Variants in HIVEP1 observed in about 807,000 individuals in gnomAD.
HIVEP1 encodes the protein HIVEP zinc finger 1.
A neutral mutation model predicts 180.0 loss-of-function variants in HIVEP1; 36 were observed. The ratio of observed to expected loss-of-function variants is 0.20; its 90% CI spans 0.15 to 0.26. The LOEUF (loss-of-function observed/expected upper bound fraction) is 0.26. HIVEP1 is among the 10% of genes least tolerant of loss of function. HIVEP1 has a pLI of 1.00. For synonymous variants in HIVEP1, 1,239 were observed against 1,239.0 expected, an observed-to-expected ratio of 1.00 and a Z score of 0.00; for missense variants, 3,143 against 3,268.7, an observed-to-expected ratio of 0.96 and a Z score of 0.94.
At chr6:12,020,988 T>C (rs902608399) in intron 2 of HIVEP1, among the ~76,000 whole-genome samples, 2 of 148,120 alleles carry the variant, frequency 1.4e-5, no homozygotes, top group African/African-American at 4.9e-5. Context: ...CCTCCCAGGT[T>C]CAAGCCATTC....
At chr6:12,101,783 C>T (rs978211147) in intron 3 of HIVEP1, among the ~76,000 whole-genome samples, 1 of 151,952 alleles carries the variant, frequency 6.6e-6, no homozygotes, top group African/African-American at 2.4e-5. Flanking sequence ...ATGGATTAAA[C>T]AGTCTAATCA....
chr6:12,125,653 T>C lies in HIVEP1; in HGVS notation c.5858T>C (p.Leu1953Ser). ...TWCYLLRQKS[L>S]HLPQKDQKTS... Reference sequence around the variant, plus strand: ...TGTTATCTCTTAAGGCAGAAGTCGTTGCATTTGCCTCAGAAGGACCAGAAA... The same window carrying C: ...TGTTATCTCTTAAGGCAGAAGTCGTCGCATTTGCCTCAGAAGGACCAGAAA... The change falls in exon 4 of 9, where the codon TTG becomes TCG. Residue 1953 changes from leucine (L) to serine (S), a missense_variant. Physicochemically the swap from Leu to Ser is moderately radical, Grantham distance 145 (BLOSUM62 -2). Transcript: ENST00000379388. The C allele has an allele frequency of 6.2e-7, 1 of 1,614,174 alleles. No homozygotes were observed.
chr6:12,129,975 G>C, intron 5 of HIVEP1, 83 bp downstream of exon 5: 1 of 924,366 alleles, frequency 1.1e-6, no homozygotes, highest in Non-Finnish European at 1.7e-6. Context: ...TGAAGACTTA[G>C]TGCCAATTTA....
chr6:12,038,221 T>C (rs895756041), intron 2 of HIVEP1: 1 of 153,418 alleles, frequency 6.5e-6, no homozygotes, highest in Non-Finnish European at 1.5e-5. Context: ...AGCACAGATA[T>C]TACTATTTAT....
At position 12,101,395 on chromosome 6, in the gene HIVEP1, G is replaced by A. The variant is rs530412004; in HGVS notation, c.94+12158G>A. 6.1e-5 allele frequency among the ~76,000 whole-genome samples: 9 copies of A among 147,554 alleles called. No homozygotes were observed. In the East Asian group the frequency reaches 9.7e-4, roughly 16 times the overall value. On this transcript the variant is annotated intron_variant, in intron 3 of 8. Coordinates refer to ENST00000379388, the MANE Select transcript of HIVEP1 (RefSeq NM_002114.4). ...ACTGTAACATTTATAAATACAATAT[G>A]TATATAACATGTATAAATACAATAT... is the stretch of plus-strand genomic sequence containing the variant.
At chr6:12,167,820 GTA>G (rs1181688432), downstream of HIVEP1, among the ~76,000 whole-genome samples, 3 of 143,978 alleles carry the variant, frequency 2.1e-5, no homozygotes, top group African/African-American at 7.6e-5. Context: ...ATAGATGTGC[GTA>G]TATAATATGT....
At position 12,163,611 on chromosome 6, in the gene HIVEP1, G is replaced by C; in HGVS notation, c.7307G>C (p.Arg2436Thr). The C allele has an allele frequency of 6.2e-7, 1 of 1,614,198 alleles. No individual in the cohort carries two copies. Among genetic ancestry groups the C allele is most frequent in the Non-Finnish European group, 8.5e-7 (1 of 1,180,036 alleles). Residue 2436 changes from arginine to threonine, a missense_variant, in exon 9 of 9, where the codon AGA becomes ACA. This residue lies in a region of HIVEP1 where 595 missense variants were observed against 602.2 expected (regional missense o/e 0.99). Coordinates refer to ENST00000379388, the MANE Select transcript of HIVEP1 (RefSeq NM_002114.4). ...ATCCCTGCTGTCAGTGTCGTTCACAGAACTTTGGGTACTCATAGGAATACG... is the reference window on the plus strand; with the variant it reads ...ATCCCTGCTGTCAGTGTCGTTCACACAACTTTGGGTACTCATAGGAATACG... ...LTIPAVSVVH[R>T]TLGTHRNTVT...
chr6:12,125,685 GCCTATA>G lies in HIVEP1; in HGVS notation c.5892_5897del (p.Tyr1965_Thr1966del), dbSNP rs546867775. The G allele has an allele frequency of 2.5e-6, 4 of 1,614,184 alleles. No individual in the cohort carries two copies. Among genetic ancestry groups the G allele is most frequent in the Non-Finnish European group, 2.5e-6 (3 of 1,180,036 alleles). On this transcript the variant is annotated inframe_deletion, in exon 4 of 9. Coordinates refer to ENST00000379388, the MANE Select transcript of HIVEP1 (RefSeq NM_002114.4). The stretch of plus-strand genomic sequence containing the variant: ...GCCTCAGAAGGACCAGAAAACTTCA[GCCTATA>G]CTGATTGGACAGTAAGCGCCAGTAA...
At chr6:12,098,747 G>T (rs929322215) in intron 3 of HIVEP1, among the ~76,000 whole-genome samples, 9 of 152,140 alleles carry the variant, frequency 5.9e-5, no homozygotes, top group African/African-American at 2.2e-4. Flanking sequence ...GACAGATAAA[G>T]AACTGGGAGG....
At chr6:12,022,842 G>T (rs1768331886) in intron 2 of HIVEP1, among the ~76,000 whole-genome samples, 1 of 152,298 alleles carries the variant, frequency 6.6e-6, no homozygotes, top group South Asian at 2.1e-4. Context: ...CTATTCAAAG[G>T]TTGGGATCTG....
chr6:12,193,283 T>C, the HIVEP1 span, among the ~76,000 whole-genome samples: 2 of 152,236 alleles, frequency 1.3e-5, no homozygotes, highest in Non-Finnish European at 2.9e-5. Context: ...GAGGTTGTTT[T>C]CACTTTTTGC....
At chr6:12,159,348 C>A (rs1356781291) in intron 7 of HIVEP1, among the ~76,000 whole-genome samples, 1 of 151,500 alleles carries the variant, frequency 6.6e-6, no homozygotes, top group Admixed American at 6.6e-5. Context: ...ATTCAGTTCT[C>A]TTTAGTCTTT....
intron 2 of HIVEP1, among the ~76,000 whole-genome samples, chr6:12,034,223 T>C (rs1419026692): frequency 2.0e-5 from 3 of 152,248 alleles, no homozygotes; most frequent in Non-Finnish European, 4.4e-5. Flanking sequence ...GTCTGAATCT[T>C]GTACTTTTGT....
At chr6:12,091,989 CTTTAA>C (rs1773507447) in intron 3 of HIVEP1, among the ~76,000 whole-genome samples, 2 of 152,238 alleles carry the variant, frequency 1.3e-5, no homozygotes, top group South Asian at 4.1e-4. Flanking sequence ...CTTTCTCAAG[CTTTAA>C]TTTTAATACT....
At chr6:12,167,615 C>A (rs1339799887), downstream of HIVEP1, among the ~76,000 whole-genome samples, 4 of 104,110 alleles carry the variant, frequency 3.8e-5, no homozygotes, top group Non-Finnish European at 6.5e-5. Flanking sequence ...TGTTATATTA[C>A]ATGTATATAT....
chr6:12,016,823 C>T (rs1251885959), intron 2 of HIVEP1, among the ~76,000 whole-genome samples: 2 of 152,186 alleles, frequency 1.3e-5, no homozygotes, highest in Non-Finnish European at 2.9e-5. Context: ...AGAATCTGAA[C>T]TCCCTAGAGA....
rs767399143 is a variant in HIVEP1 at position 12,164,299 on chromosome 6, G to T, written c.7995G>T (p.Leu2665=). The change falls in exon 9 of 9, where the codon CTG becomes CTT. Residue 2665 remains leucine, a synonymous_variant. Transcript: ENST00000379388. ...CAGCGTCCACGTCACAACCTCTGCTGAAGGCACATTCTGAAGTTTTTACAA... is the reference window on the plus strand; with the variant it reads ...CAGCGTCCACGTCACAACCTCTGCTTAAGGCACATTCTGAAGTTTTTACAA... The part of the protein sequence containing the change: ...GQPASTSQPL[L]KAHSEVFTKP... 1 of 1,614,036 alleles carries T rather than the reference G, an allele frequency of 6.2e-7. No individual in the cohort carries two copies. Among genetic ancestry groups the T allele is most frequent in the South Asian group, 1.1e-5 (1 of 91,076 alleles).
intron 8 of HIVEP1, 54 bp downstream of exon 8, chr6:12,161,983 TATG>T: frequency 2.0e-6 from 3 of 1,472,090 alleles, no homozygotes; most frequent in Non-Finnish European, 2.8e-6. Flanking sequence ...ACCTATTAAA[TATG>T]GAGAACTTAA....
At chr6:12,076,904 T>A in intron 2 of HIVEP1, among the ~76,000 whole-genome samples, 1 of 152,176 alleles carries the variant, frequency 6.6e-6, no homozygotes, top group East Asian at 1.9e-4. Flanking sequence ...AGTCAGCTAC[T>A]TAACGTTACA....
Sources: gnomAD v4.1 joint callset for allele counts (sites outside exome capture counted in the v4.1 genomes callset) on GRCh38, gnomAD v4.1.1 for gene constraint, gnomAD v4.1.1 regional missense constraint, MANE v1.5 for transcripts, NCBI Gene and HGNC (gene_info 2026-07-23, HGNC 2026-07-21) for gene names.